Variants in SPIRE1 observed in about 807,000 individuals in gnomAD.
SPIRE1 encodes the protein protein spire homolog 1.
In SPIRE1, 40 loss-of-function variants were observed where a neutral mutation model predicts 94.1. The ratio of observed to expected loss-of-function variants is 0.43; its 90% CI spans 0.33 to 0.55. The LOEUF (loss-of-function observed/expected upper bound fraction) is 0.55. SPIRE1 is among the 20% of genes least tolerant of loss of function. The pLI is 0.06. For missense variants in SPIRE1, 838 were observed against 975.2 expected, an observed-to-expected ratio of 0.86 and a Z score of 1.87; for synonymous variants, 376 against 371.7, an observed-to-expected ratio of 1.01 and a Z score of -0.13.
At chr18:12,525,024 C>T (rs2034465698) in intron 4 of SPIRE1, among the ~76,000 whole-genome samples, 1 of 150,868 alleles carries the variant, frequency 6.6e-6, no homozygotes, top group Non-Finnish European at 1.5e-5. Flanking sequence ...CGCCTGTAAT[C>T]CCAGCACTTT....
At chr18:12,532,510 T>C (rs979658378) in intron 4 of SPIRE1, among the ~76,000 whole-genome samples, 1 of 152,136 alleles carries the variant, frequency 6.6e-6, no homozygotes, top group Non-Finnish European at 1.5e-5. Flanking sequence ...GTTTGAAAAA[T>C]TGTTGATACT....
chr18:12,472,257 CCT>C (rs1252391544), intron 10 of SPIRE1, among the ~76,000 whole-genome samples: 4 of 151,916 alleles, frequency 2.6e-5, no homozygotes, highest in Non-Finnish European at 2.9e-5. Flanking sequence ...GTTCAAGACC[CCT>C]GTCTCTATAA....
rs748817192 is a variant in SPIRE1 at position 12,452,363 on chromosome 18, G to A, written c.1904C>T (p.Thr635Ile). The change falls in exon 16 of 17, where the codon ACT (threonine) becomes ATT (isoleucine). Residue 635 changes from threonine (T) to isoleucine (I), a missense_variant. This residue lies in a region of SPIRE1 where 645 missense variants were observed against 804.7 expected (regional missense o/e 0.80). Coordinates refer to ENST00000409402, the MANE Select transcript of SPIRE1 (RefSeq NM_001128626.2). ...KMRLPSKPYS[T>I]LPIFSLGPSA... ...AGGTCCCAATGAAAAGATAGGAAGA[G>A]TGGAGTATGGTTTGGAGGGCAGCCG... 1 of 1,614,146 alleles carries A rather than the reference G, an allele frequency of 6.2e-7. No individual in the cohort carries two copies. Among genetic ancestry groups the A allele is most frequent in the South Asian group, 1.1e-5 (1 of 91,078 alleles).
intron 1 of SPIRE1, among the ~76,000 whole-genome samples, chr18:12,637,266 G>A (rs1355321891): frequency 6.6e-6 from 1 of 151,572 alleles, no homozygotes; most frequent in South Asian, 2.1e-4. Context: ...GGCTGAGGCA[G>A]GAGAATGGCG....
At chr18:12,453,030 G>T in intron 14 of SPIRE1, 38 bp downstream of exon 14, 2 of 1,350,338 alleles carry the variant, frequency 1.5e-6, no homozygotes, top group Non-Finnish European at 2.0e-6. Flanking sequence ...TCTTACGACT[G>T]TTAAATTTAT....
intron 4 of SPIRE1, among the ~76,000 whole-genome samples, chr18:12,527,657 T>C (rs1290557419): frequency 6.6e-6 from 1 of 152,200 alleles, no homozygotes; most frequent in Non-Finnish European, 1.5e-5. Flanking sequence ...CAGCTGTGTG[T>C]CCAGGAGCCC....
At chr18:12,452,024 A>G (rs746573040) in intron 16 of SPIRE1, among the ~76,000 whole-genome samples, 13 of 152,242 alleles carry the variant, frequency 8.5e-5, no homozygotes, top group Non-Finnish European at 1.6e-4. Context: ...TTTCTAAAGT[A>G]GAAAAAAATA....
chr18:12,597,920 A>G (rs965277133), intron 2 of SPIRE1, among the ~76,000 whole-genome samples: 1 of 152,160 alleles, frequency 6.6e-6, no homozygotes, highest in East Asian at 1.9e-4. Flanking sequence ...TAGATGTAAG[A>G]CTGAGGAAAA....
At chr18:12,630,609 A>C (rs1313586758) in intron 2 of SPIRE1, among the ~76,000 whole-genome samples, 1 of 152,230 alleles carries the variant, frequency 6.6e-6, no homozygotes, top group Non-Finnish European at 1.5e-5. Context: ...CAGTGAGCTG[A>C]GATCATGCCA....
intron 2 of SPIRE1, among the ~76,000 whole-genome samples, chr18:12,593,953 G>GAA (rs71371279): frequency 1.5e-4 from 22 of 144,672 alleles, no homozygotes; most frequent in African/African-American, 3.4e-4. Flanking sequence ...GCTGTCTCAA[G>GAA]AAAAAAAAAA....
intron 9 of SPIRE1, among the ~76,000 whole-genome samples, chr18:12,484,541 A>G (rs2143798923): frequency 6.6e-6 from 1 of 152,330 alleles, no homozygotes; most frequent in South Asian, 2.1e-4. Flanking sequence ...TACTCAATAA[A>G]TATTCATATA....
At chr18:12,567,689 A>G (rs2035852156) in intron 2 of SPIRE1, among the ~76,000 whole-genome samples, 1 of 152,212 alleles carries the variant, frequency 6.6e-6, no homozygotes, top group Admixed American at 6.5e-5. Flanking sequence ...AATTTTTGGT[A>G]GCATACCAGG....
At chr18:12,609,446 G>A (rs757692790) in intron 2 of SPIRE1, among the ~76,000 whole-genome samples, 13 of 152,080 alleles carry the variant, frequency 8.5e-5, no homozygotes, top group Non-Finnish European at 1.6e-4. Context: ...GGTTTTTTGA[G>A]AGCCAGTTTA....
At chr18:12,537,594 A>C (rs1222112864) in intron 3 of SPIRE1, among the ~76,000 whole-genome samples, 1 of 152,200 alleles carries the variant, frequency 6.6e-6, no homozygotes, top group Non-Finnish European at 1.5e-5. Context: ...GTTTTTTTAA[A>C]TGCATATGAC....
chr18:12,662,073 G>T, upstream of SPIRE1: 2 of 386,334 alleles, frequency 5.2e-6, no homozygotes, highest in African/African-American at 2.1e-5. Flanking sequence ...GGAGGTACTG[G>T]CTGTGCTGCT....
In SPIRE1 at chr18:12,572,822, G is replaced by A. The variant is rs138918867; in HGVS notation, c.373-25918C>T. On this transcript the variant is annotated intron_variant, in intron 2 of 16. Coordinates refer to ENST00000409402, the MANE Select transcript of SPIRE1 (RefSeq NM_001128626.2). ...TTCATCAAATGGTTCTGGAACAACT[G>A]TATATGAACAAGTAAAAATATGAAT... Among the ~76,000 whole-genome samples, 1,341 of 152,230 alleles carry A rather than the reference G, an allele frequency of 8.8e-3. 27 individuals carry two copies. Among genetic ancestry groups the A allele is most frequent in the African/African-American group, 0.03 (1,234 of 41,504 alleles).
intron 2 of SPIRE1, among the ~76,000 whole-genome samples, chr18:12,615,540 C>CAGAAAAAAAAAAAAAAA (rs1395991348): frequency 1.9e-5 from 1 of 52,792 alleles, no homozygotes. Flanking sequence ...ACTCTATCTC[C>CAGAAAAAAAAAAAAAAA]ACAAAAAAAA....
chr18:12,455,190 G>A (rs1186963354), intron 12 of SPIRE1, among the ~76,000 whole-genome samples: 5 of 151,974 alleles, frequency 3.3e-5, no homozygotes, highest in African/African-American at 7.3e-5. Context: ...TGCCCACTTC[G>A]GCCTCCCAAA....
At chr18:12,631,873 C>T (rs750232888) in intron 2 of SPIRE1, among the ~76,000 whole-genome samples, 4 of 151,746 alleles carry the variant, frequency 2.6e-5, no homozygotes, top group Non-Finnish European at 2.9e-5. Flanking sequence ...TCAAAAAATA[C>T]ACATAAAATA....
Sources: gnomAD v4.1 joint callset for allele counts (sites outside exome capture counted in the v4.1 genomes callset) on GRCh38, gnomAD v4.1.1 for gene constraint, gnomAD v4.1.1 regional missense constraint, MANE v1.5 for transcripts, NCBI Gene and HGNC (gene_info 2026-07-23, HGNC 2026-07-21) for gene names.